The following EGFR variants were observed in gnomAD, a reference collection of about 807,000 sequenced individuals.
EGFR encodes epidermal growth factor receptor.
A neutral mutation model predicts 143.0 loss-of-function variants in EGFR; 58 were observed. The ratio of observed to expected loss-of-function variants is 0.41; its 90% CI spans 0.33 to 0.50. The LOEUF (loss-of-function observed/expected upper bound fraction) is 0.50, where lower values mean the gene tolerates loss of function less well. Among genes scored for constraint, EGFR ranks in the 20% least tolerant of loss-of-function variants. The pLI, the probability that EGFR is intolerant of heterozygous loss-of-function variation, is 0.39. For missense variants in EGFR, 1,307 were observed against 1,579.0 expected, an observed-to-expected ratio of 0.83 and a Z score of 2.92; for synonymous variants, 613 against 594.4, an observed-to-expected ratio of 1.03 and a Z score of -0.45.
chr7:55,149,316 C>T (rs1349611557), intron 4 of EGFR, among the ~76,000 whole-genome samples: 1 of 151,936 alleles, frequency 6.6e-6, no homozygotes, highest in African/African-American at 2.4e-5. Context: ...AAAACCTGGC[C>T]CAGAACATGA....
In EGFR at chr7:55,036,909, T is replaced by A. The variant is rs1452521511; in HGVS notation, c.88+17544T>A. On this transcript the variant is annotated intron_variant, in intron 1 of 27. Transcript: ENST00000275493. ...CTATTTGGGAATAACACAGCTCCCT[T>A]CCTTGTCTGTTCCCTCCCATTGTCA... Among the ~76,000 whole-genome samples the A allele has an allele frequency of 7.9e-5, 12 of 152,196 alleles. No individual in the cohort carries two copies. In the East Asian group the frequency reaches 2.3e-3, roughly 29 times the overall value.
chr7:55,125,884 G>A (rs1793494897), intron 1 of EGFR, among the ~76,000 whole-genome samples: 1 of 152,170 alleles, frequency 6.6e-6, no homozygotes, highest in Admixed American at 6.5e-5. Flanking sequence ...TCTGTCAGTG[G>A]CTTCTCAGTG....
At chr7:55,136,442 G>C (rs1025161160) in intron 1 of EGFR, among the ~76,000 whole-genome samples, 1 of 152,110 alleles carries the variant, frequency 6.6e-6, no homozygotes, top group Non-Finnish European at 1.5e-5. Flanking sequence ...GAGAAACCCA[G>C]GACAAGTCAT....
At position 55,144,764 on chromosome 7, in the gene EGFR, C is replaced by A. The variant is rs1349012818; in HGVS notation, c.424+1276C>A. The stretch of plus-strand genomic sequence containing the variant: ...CGGAGGGAGGCAGCCTGTGCGGGTG[C>A]CTGGACCTCCGAGCCAGACCCTCTG... On this transcript the variant is annotated intron_variant, in intron 3 of 27. Coordinates refer to ENST00000275493, the MANE Select transcript of EGFR (RefSeq NM_005228.5). Among the ~76,000 whole-genome samples the A allele has an allele frequency of 2.6e-5, 4 of 152,156 alleles. No homozygotes were observed. In the East Asian group the frequency reaches 7.7e-4, roughly 29 times the overall value.
At chr7:55,121,292 G>A (rs1328931949) in intron 1 of EGFR, among the ~76,000 whole-genome samples, 1 of 152,214 alleles carries the variant, frequency 6.6e-6, no homozygotes, top group Non-Finnish European at 1.5e-5. Flanking sequence ...CCCAGGAAAA[G>A]GCGGCTCTCT....
At chr7:55,064,165 C>T (rs1789362612) in intron 1 of EGFR, among the ~76,000 whole-genome samples, 1 of 152,070 alleles carries the variant, frequency 6.6e-6, no homozygotes, top group Non-Finnish European at 1.5e-5. Context: ...AAAATACCTG[C>T]AGTTTATATG....
chr7:55,077,785 G>C (rs149472435), intron 1 of EGFR, among the ~76,000 whole-genome samples: 2,698 of 152,162 alleles, frequency 0.018, 43 homozygotes, highest in Non-Finnish European at 0.028. Context: ...TGGGTTAAAT[G>C]CTCTTAAAAA....
rs1282511794 is a variant in EGFR at position 55,202,800 on chromosome 7, C to T, written c.3271+175C>T. On this transcript the variant is annotated intron_variant, in intron 27 of 27. Coordinates refer to ENST00000275493, the MANE Select transcript of EGFR (RefSeq NM_005228.5). The stretch of plus-strand genomic sequence containing the variant: ...GGAGCAGATAAACACATGACCGAGC[C>T]TGCACAAGCTCTTTGTTGTGTCTGG... 3 of 717,024 alleles carry T rather than the reference C, an allele frequency of 4.2e-6. No homozygotes were observed. In the South Asian group the frequency reaches 4.4e-5, roughly 11 times the overall value. The allele number at this position is 717,024 out of a possible 1,614,324, so 44.4% of individuals were successfully genotyped here. A position where few individuals can be genotyped will look rare whatever the true frequency, so the allele number is the denominator to read the frequency against.
At chr7:55,191,535 C>T (rs1265800823) in intron 20 of EGFR, among the ~76,000 whole-genome samples, 184 bp from the exon 21 acceptor site, 1 of 152,192 alleles carries the variant, frequency 6.6e-6, no homozygotes, top group Non-Finnish European at 1.5e-5. Context: ...TAATGGTCAG[C>T]AGCGGGTTAC....
At chr7:55,035,400 A>T (rs149136832) in intron 1 of EGFR, among the ~76,000 whole-genome samples, 3,239 of 152,004 alleles carry the variant, frequency 0.021, 118 homozygotes, top group African/African-American at 0.073. Flanking sequence ...GTGGTGGCTC[A>T]CACCTGTAAT....
At chr7:55,104,928 T>A (rs1387934311) in intron 1 of EGFR, among the ~76,000 whole-genome samples, 1 of 152,176 alleles carries the variant, frequency 6.6e-6, no homozygotes, top group Non-Finnish European at 1.5e-5. Flanking sequence ...AGAAAACTAC[T>A]CAAGTGAAAG....
Position 55,112,736 on chromosome 7 carries a change from A to T in EGFR, c.89-29550A>T, listed in dbSNP as rs117052774. Among the ~76,000 whole-genome samples, 390 of 152,294 alleles carry T rather than the reference A, an allele frequency of 2.6e-3. 3 individuals are homozygous for T. The highest frequency in any genetic ancestry group is 4.3e-3 in the Non-Finnish European group (295 of 68,022). Reference sequence around the variant, plus strand: ...TGATACCAAGGCAGTGAGTTTGTAGACTATGGAATTGCTGTCGGAGGGCTC... The same window carrying T: ...TGATACCAAGGCAGTGAGTTTGTAGTCTATGGAATTGCTGTCGGAGGGCTC... On this transcript the variant is annotated intron_variant, in intron 1 of 27. Coordinates refer to ENST00000275493, the MANE Select transcript of EGFR (RefSeq NM_005228.5).
chr7:55,078,829 G>C (rs1399132608), intron 1 of EGFR, among the ~76,000 whole-genome samples: 1 of 152,170 alleles, frequency 6.6e-6, no homozygotes, highest in African/African-American at 2.4e-5. Context: ...GAGCAGTGGA[G>C]TGGCGTTGCT....
In EGFR at chr7:55,201,726, C is replaced by T. The variant is rs762195662; in HGVS notation, c.3115-9C>T. 1 of 1,614,182 alleles carries T rather than the reference C, an allele frequency of 6.2e-7. No individual in the cohort carries two copies. Among genetic ancestry groups the T allele is most frequent in the Non-Finnish European group, 8.5e-7 (1 of 1,180,020 alleles). On this transcript the variant is annotated splice_polypyrimidine_tract_variant and intron_variant, in intron 25 of 27. Coordinates refer to ENST00000275493, the MANE Select transcript of EGFR (RefSeq NM_005228.5). ...CATTCCATGGGCAACTTCTCTGTTT[C>T]TTTTTCAGAGTGCAACCAGCAACAA...
rs1786023185 is a variant in EGFR at position 55,166,749 on chromosome 7, G to A, written c.1880+1312G>A. Among the ~76,000 whole-genome samples, 2 of 139,082 alleles carry A rather than the reference G, an allele frequency of 1.4e-5. 1 individual carries two copies. Among genetic ancestry groups the A allele is most frequent in the Admixed American group, 1.4e-4 (2 of 14,578 alleles). 91.2% of individuals were successfully genotyped at this position (139,082 alleles called of 152,430 possible). ...TCACAATGGTGGTAGTGATGATGGTGTTGATGGTGGTGAGGAGGTGAGAGT... is the reference window on the plus strand; with the variant it reads ...TCACAATGGTGGTAGTGATGATGGTATTGATGGTGGTGAGGAGGTGAGAGT... On this transcript the variant is annotated intron_variant, in intron 15 of 27. Transcript: ENST00000275493.
intron 1 of EGFR, among the ~76,000 whole-genome samples, chr7:55,130,544 G>A (rs1793773100): frequency 6.6e-6 from 1 of 152,146 alleles, no homozygotes; most frequent in Non-Finnish European, 1.5e-5. Flanking sequence ...TCTTCACACT[G>A]CTACATCCCT....
In EGFR at chr7:55,179,084, G is replaced by T. The variant is rs150781885; in HGVS notation, c.2284-2209G>T. Among the ~76,000 whole-genome samples the T allele has an allele frequency of 3.5e-3, 535 of 152,336 alleles. 16 individuals carry two copies. Among genetic ancestry groups the T allele is most frequent in the Admixed American group, 0.032 (492 of 15,308 alleles). ...GTCAACGTAAGAGCAAGTGTGTGCC[G>T]GGTGATCCGACACTGCAGAGCGCCA... On this transcript the variant is annotated intron_variant, in intron 19 of 27. Coordinates refer to ENST00000275493, the MANE Select transcript of EGFR (RefSeq NM_005228.5).
At position 55,044,112 on chromosome 7, in the gene EGFR, C is replaced by T. The variant is rs142573406; in HGVS notation, c.88+24747C>T. The stretch of plus-strand genomic sequence containing the variant: ...AACAACATAAATTTAACATAAAACA[C>T]GTGCTTTTCTTTTTTCTTCTTACTT... On this transcript the variant is annotated intron_variant, in intron 1 of 27. Transcript: ENST00000275493. The T allele has an allele frequency of 7.2e-5, 11 of 152,268 alleles. No homozygotes were observed. In the East Asian group the frequency reaches 1.7e-3, roughly 24 times the overall value. 9.4% of individuals were successfully genotyped at this position (152,268 alleles called of 1,614,324 possible).
intron 1 of EGFR, among the ~76,000 whole-genome samples, chr7:55,087,157 T>C (rs1468039889): frequency 6.6e-6 from 1 of 151,662 alleles, no homozygotes; most frequent in Non-Finnish European, 1.5e-5. Context: ...GAAGAGAGGA[T>C]GGCTCGGATG....
Sources: gnomAD v4.1 joint callset for allele counts (sites outside exome capture counted in the v4.1 genomes callset) on GRCh38, gnomAD v4.1.1 for gene constraint, MANE v1.5 for transcripts, NCBI Gene and HGNC (gene_info 2026-07-23, HGNC 2026-07-21) for gene names.